Variants in LRP2 observed in about 807,000 individuals in gnomAD.
LRP2 encodes LDL receptor related protein 2, also known as low-density lipoprotein receptor-related protein 2.
In LRP2, 172 loss-of-function variants were observed where a neutral mutation model predicts 531.0. The ratio of observed to expected loss-of-function variants is 0.32; its 90% CI spans 0.29 to 0.37. The LOEUF (loss-of-function observed/expected upper bound fraction) is 0.37, where lower values mean the gene tolerates loss of function less well. LRP2 is among the 10% of genes least tolerant of loss of function. LRP2 has a pLI of 1.00. For missense variants in LRP2, 5,167 were observed against 5,868.3 expected, an observed-to-expected ratio of 0.88 and a Z score of 3.90; for synonymous variants, 1,992 against 2,027.6, an observed-to-expected ratio of 0.98 and a Z score of 0.47.
At chr2:169,344,410 T>A (rs1392495657) in intron 1 of LRP2, among the ~76,000 whole-genome samples, 1 of 152,162 alleles carries the variant, frequency 6.6e-6, no homozygotes, top group East Asian at 1.9e-4. Flanking sequence ...CAGCTCATAT[T>A]TCATTGGAGA....
chr2:169,271,440 C>A (rs1189734406), intron 15 of LRP2, among the ~76,000 whole-genome samples: 1 of 151,846 alleles, frequency 6.6e-6, no homozygotes, highest in Non-Finnish European at 1.5e-5. Flanking sequence ...GTGCAGCACA[C>A]CAACATGGCA....
intron 77 of LRP2, among the ~76,000 whole-genome samples, chr2:169,129,901 C>T (rs913045566): frequency 2.0e-5 from 3 of 152,222 alleles, no homozygotes; most frequent in African/African-American, 7.2e-5. Context: ...ACAGCCTACT[C>T]TCAACAGGAG....
rs769977292 is a variant in LRP2 at position 169,211,972 on chromosome 2, G to A, written c.6276C>T (p.Gly2092=). 32 of 1,613,750 alleles carry A rather than the reference G, an allele frequency of 2.0e-5. No homozygotes were observed. The highest frequency in any genetic ancestry group is 9.9e-5 in the South Asian group (9 of 91,074). ...CTTATATTGGAGTTGGCATACCTTG[G>A]CCTGCCACCGGCACCATGGTTTCTG... The part of the protein sequence containing the change: ...DHSETMVPVA[G]QGRNALHVDV... The change falls in exon 37 of 79, where the codon GGC becomes GGT. Residue 2092 remains glycine, a synonymous_variant. Coordinates refer to ENST00000649046, the MANE Select transcript of LRP2 (RefSeq NM_004525.3).
intron 29 of LRP2, among the ~76,000 whole-genome samples, chr2:169,235,488 C>T (rs917337697): frequency 7.2e-5 from 11 of 152,160 alleles, no homozygotes; most frequent in Non-Finnish European, 7.4e-5. Context: ...ATCCACCCAC[C>T]TCGGCCTCCC....
At chr2:169,181,410 C>T (rs1391114985) in intron 52 of LRP2, 38 bp downstream of exon 52, 5 of 1,594,622 alleles carry the variant, frequency 3.1e-6, no homozygotes, top group Non-Finnish European at 4.3e-6. Context: ...TTGAAATAAA[C>T]AGTTACACAA....
intron 1 of LRP2, among the ~76,000 whole-genome samples, chr2:169,328,441 T>TAAAAAA (rs537210492): frequency 1.2e-4 from 6 of 49,120 alleles, no homozygotes; most frequent in Admixed American, 2.6e-4. Context: ...CGGGCCGGGA[T>TAAAAAA]AAAAAAAAAA....
chr2:169,187,132 A>G (rs894231088), intron 49 of LRP2, among the ~76,000 whole-genome samples: 3 of 152,110 alleles, frequency 2.0e-5, no homozygotes, highest in African/African-American at 7.2e-5. Flanking sequence ...AGTTTGTTAT[A>G]ATAGGTAAAC....
In LRP2 at chr2:169,206,513, A is replaced by G. The variant is rs1262561409; in HGVS notation, c.7207T>C (p.Leu2403=). 6.2e-7 allele frequency: 1 copy of G among 1,614,178 alleles called. No homozygotes were observed. Among genetic ancestry groups the G allele is most frequent in the South Asian group, 1.1e-5 (1 of 91,080 alleles). The part of the protein sequence containing the change: ...ALSNSLRSLH[L]DPENHSPPFQ... The stretch of plus-strand genomic sequence containing the variant: ...GGTGGGCTATGGTTTTCAGGGTCCA[A>G]GTGTAAGCTTCTCAAGGAATTAGAC... Residue 2403 remains leucine (L), a synonymous_variant, in exon 39 of 79, where the codon TTG becomes CTG. Coordinates refer to ENST00000649046, the MANE Select transcript of LRP2 (RefSeq NM_004525.3).
Position 169,243,458 on chromosome 2 carries a change from C to T in LRP2, c.3495G>A (p.Ser1165=), listed in dbSNP as rs186494101. The change falls in exon 23 of 79, where the codon TCG becomes TCA. Residue 1165 remains serine (S), a synonymous_variant. Coordinates refer to ENST00000649046, the MANE Select transcript of LRP2 (RefSeq NM_004525.3). ...NCPNHRCIDL[S]FVCDGDKDCV... is the part of the protein sequence containing the mutation. ...AATCCTTGTCACCATCACAGACAAA[C>T]GATAGGTCAATACATCGATGATTGG... 51 of 1,614,092 alleles carry T rather than the reference C, an allele frequency of 3.2e-5. No individual in the cohort carries two copies. In the Admixed American group the frequency reaches 4.0e-4, roughly 13 times the overall value.
intron 76 of LRP2, among the ~76,000 whole-genome samples, chr2:169,133,146 C>T (rs1374045407): frequency 4.6e-5 from 7 of 152,104 alleles, no homozygotes; most frequent in South Asian, 4.1e-4. Flanking sequence ...ATCCTATCTT[C>T]GGAAATTAAG....
chr2:169,198,828 T>C lies in LRP2; in HGVS notation c.8536A>G (p.Asn2846Asp). ...TCATCACTGTTATCTCCACAGTCAT[T>C]GTCTCCGTCACACAAATAAACGCGA... Reference protein sequence around the residue: ...IPRVYLCDGDNDCGDNSDENP... With the variant: ...IPRVYLCDGDDDCGDNSDENP... Residue 2846 changes from asparagine to aspartate, a missense_variant, in exon 45 of 79, where the codon AAT (asparagine) becomes GAT (aspartate). Asn to Asp is a conservative substitution (Grantham distance 23, BLOSUM62 1). Coordinates refer to ENST00000649046, the MANE Select transcript of LRP2 (RefSeq NM_004525.3). 6.2e-7 allele frequency: 1 copy of C among 1,614,056 alleles called. No homozygotes were observed. Among genetic ancestry groups the C allele is most frequent in the Non-Finnish European group, 8.5e-7 (1 of 1,179,920 alleles).
intron 1 of LRP2, among the ~76,000 whole-genome samples, chr2:169,326,597 C>T (rs1473036986): frequency 2.6e-5 from 4 of 152,150 alleles, no homozygotes; most frequent in Non-Finnish European, 4.4e-5. Flanking sequence ...CTGCCTTGGC[C>T]TCCCAAAGTG....
chr2:169,132,038 C>A (rs1222759930), intron 77 of LRP2, among the ~76,000 whole-genome samples: 2 of 152,126 alleles, frequency 1.3e-5, no homozygotes, highest in East Asian at 3.8e-4. Context: ...AACACCATCC[C>A]TGACACATCG....
chr2:169,181,668 T>C (rs773541941), intron 51 of LRP2, 50 bp from the exon 52 acceptor site: 1 of 1,527,832 alleles, frequency 6.5e-7, no homozygotes, highest in Non-Finnish European at 9.0e-7. Context: ...AAGAAGTCAG[T>C]AGCCAAAATA....
At chr2:169,224,412 G>A (rs1293809114) in intron 33 of LRP2, among the ~76,000 whole-genome samples, 2 of 152,298 alleles carry the variant, frequency 1.3e-5, no homozygotes, top group East Asian at 3.9e-4. Flanking sequence ...TTTCATACCT[G>A]TGCCTCATCT....
intron 9 of LRP2, among the ~76,000 whole-genome samples, chr2:169,286,611 G>A (rs1683865042): frequency 6.6e-6 from 1 of 152,200 alleles, no homozygotes. Flanking sequence ...TAGACATTTG[G>A]AAATACAACC....
intron 31 of LRP2, 111 bp from the exon 32 acceptor site, chr2:169,226,699 G>T (rs1689212875): frequency 2.5e-6 from 2 of 788,390 alleles, no homozygotes; most frequent in African/African-American, 1.7e-5. Context: ...TGACATTGCA[G>T]CATTGCAGCA....
rs1262452422 is a variant in LRP2, at chr2:169,156,799, T to C, written c.12020-394A>G. Among the ~76,000 whole-genome samples the C allele has an allele frequency of 3.9e-5, 6 of 152,304 alleles. No individual in the cohort carries two copies. The East Asian group carries it at 1.2e-3, about 29-fold the overall frequency. ...CAGCTTCAGGAACAGGAGTCATTGATTTAGTTTTTCAATTGAGTTCTTAAG... is the reference window on the plus strand; with the variant it reads ...CAGCTTCAGGAACAGGAGTCATTGACTTAGTTTTTCAATTGAGTTCTTAAG... On this transcript the variant is annotated intron_variant, in intron 64 of 78. Coordinates refer to ENST00000649046, the MANE Select transcript of LRP2 (RefSeq NM_004525.3).
At chr2:169,175,998 G>A (rs181214835) in intron 54 of LRP2, among the ~76,000 whole-genome samples, 37 of 152,264 alleles carry the variant, frequency 2.4e-4, no homozygotes, top group Admixed American at 2.4e-3. Flanking sequence ...GATCAAAAAT[G>A]GATTTGAATG....
Sources: allele counts gnomAD v4.1 joint callset (sites outside exome capture counted in the v4.1 genomes callset), GRCh38; gene constraint gnomAD v4.1.1; transcripts MANE v1.5; gene names NCBI Gene and HGNC (gene_info 2026-07-23, HGNC 2026-07-21).